ANKRD30BL: variants seen among roughly 807,000 people sequenced by gnomAD.
ANKRD30BL encodes the protein ankyrin repeat domain 30B like.
A neutral mutation model predicts 18.4 loss-of-function variants in ANKRD30BL; 20 were observed. The observed-to-expected ratio is 1.09, with a 90% CI of 0.77 to 1.58. ANKRD30BL has a LOEUF of 1.58. Among genes scored for constraint, ANKRD30BL ranks in the 40% most tolerant of loss-of-function variants. The pLI is 0.00. For missense variants in ANKRD30BL, 224 were observed against 268.6 expected, an observed-to-expected ratio of 0.83 and a Z score of 1.16; for synonymous variants, 72 against 100.9, an observed-to-expected ratio of 0.71 and a Z score of 1.72.
intron 1 of ANKRD30BL, among the ~76,000 whole-genome samples, chr2:132,218,049 C>T (rs1412504523): frequency 7.0e-6 from 1 of 142,604 alleles, no homozygotes; most frequent in Non-Finnish European, 1.5e-5. Context: ...GTTTAGAAAC[C>T]CTCTTTTTGT....
chr2:132,198,873 C>A (rs1364445377), intron 1 of ANKRD30BL, among the ~76,000 whole-genome samples: 8 of 152,170 alleles, frequency 5.3e-5, no homozygotes, highest in African/African-American at 1.9e-4. Context: ...CCAGCTAGGC[C>A]TCCCAAAGTA....
intron 1 of ANKRD30BL, among the ~76,000 whole-genome samples, chr2:132,171,080 C>T (rs12471332): frequency 0.21 from 31,353 of 149,488 alleles, 3,404 homozygotes; most frequent in Non-Finnish European, 0.25. Context: ...GGCGTGAACC[C>T]GGAGGCGGAG....
At chr2:132,190,821 T>C (rs1278706586) in intron 1 of ANKRD30BL, among the ~76,000 whole-genome samples, 1 of 152,188 alleles carries the variant, frequency 6.6e-6, no homozygotes, top group Non-Finnish European at 1.5e-5. Flanking sequence ...CCCTAAAAAC[T>C]ATCCTACATA....
At chr2:132,219,219 A>C (rs568410909) in intron 1 of ANKRD30BL, among the ~76,000 whole-genome samples, 1 of 151,950 alleles carries the variant, frequency 6.6e-6, no homozygotes, top group Non-Finnish European at 1.5e-5. Flanking sequence ...ATTTGGACAT[A>C]CTGTATCATA....
At chr2:132,252,912 C>A (rs923874572) in intron 1 of ANKRD30BL, among the ~76,000 whole-genome samples, 2 of 152,102 alleles carry the variant, frequency 1.3e-5, no homozygotes, top group African/African-American at 2.4e-5. Flanking sequence ...TTTCTATTTT[C>A]ATGGGTGGCG....
intron 1 of ANKRD30BL, among the ~76,000 whole-genome samples, chr2:132,159,351 T>A (rs190499247): frequency 6.6e-6 from 1 of 152,288 alleles, no homozygotes; most frequent in East Asian, 1.9e-4. Context: ...TGAAAAGTTA[T>A]CTGCAACTTA....
chr2:132,193,736 C>T (rs1267127755), intron 1 of ANKRD30BL, among the ~76,000 whole-genome samples: 2 of 151,842 alleles, frequency 1.3e-5, no homozygotes, highest in African/African-American at 2.4e-5. Flanking sequence ...AGTAGTTCTT[C>T]TTCCATAGGA....
At chr2:132,229,550 ACT>A (rs1454695279) in intron 1 of ANKRD30BL, among the ~76,000 whole-genome samples, 1 of 151,966 alleles carries the variant, frequency 6.6e-6, no homozygotes, top group Non-Finnish European at 1.5e-5. Context: ...CAATTTAGAA[ACT>A]CTCTTTTTGT....
chr2:132,222,053 G>A (rs1410314296), intron 1 of ANKRD30BL, among the ~76,000 whole-genome samples: 1 of 131,798 alleles, frequency 7.6e-6, no homozygotes, highest in African/African-American at 3.1e-5. Flanking sequence ...CGGGGGGGGG[G>A]GTCGGCCAGC....
At chr2:132,167,281 TTTTATTTTATTTTA>T (rs1688204701) in intron 1 of ANKRD30BL, among the ~76,000 whole-genome samples, 1 of 12,072 alleles carries the variant, frequency 8.3e-5, no homozygotes, top group African/African-American at 2.6e-4. Flanking sequence ...TTTATTTTTA[TTTTATTTTATTTTA>T]TTTTATTTTA....
At chr2:132,166,320 T>A, upstream of ANKRD30BL, among the ~76,000 whole-genome samples, 1 of 152,056 alleles carries the variant, frequency 6.6e-6, no homozygotes, top group East Asian at 1.9e-4. Context: ...TGAATTAGGA[T>A]GTGTTCTCTC....
At chr2:132,221,417 T>G (rs1477665427) in intron 1 of ANKRD30BL, among the ~76,000 whole-genome samples, 14 of 84,754 alleles carry the variant, frequency 1.7e-4, no homozygotes, top group South Asian at 3.8e-4. Flanking sequence ...GGGAGGGAGG[T>G]GGGGGGATCA....
chr2:132,160,442 T>A (rs1430996160), intron 1 of ANKRD30BL, among the ~76,000 whole-genome samples: 4 of 141,694 alleles, frequency 2.8e-5, no homozygotes, highest in African/African-American at 1.1e-4. Flanking sequence ...TTTATTTATT[T>A]ATTATTATTA....
chr2:132,257,882 A>G (rs1680916213), exon 1 of ANKRD30BL: 1 of 154,062 alleles, frequency 6.5e-6, no homozygotes, highest in Non-Finnish European at 1.5e-5. Context: ...CCTTTCTCCC[A>G]GGCAAAGCAC....
chr2:132,186,773 T>C (rs1688567403), intron 1 of ANKRD30BL, among the ~76,000 whole-genome samples: 2 of 152,190 alleles, frequency 1.3e-5, no homozygotes, highest in Non-Finnish European at 2.9e-5. Flanking sequence ...CTTGATAATA[T>C]AGTCACTGAC....
At chr2:132,187,198 T>TTTTTTTTTG (rs1688580594) in intron 1 of ANKRD30BL, among the ~76,000 whole-genome samples, 2 of 144,578 alleles carry the variant, frequency 1.4e-5, no homozygotes, top group African/African-American at 5.1e-5. Flanking sequence ...GTTTTTTTTT[T>TTTTTTTTTG]TTTTTTTTTT....
intron 1 of ANKRD30BL, among the ~76,000 whole-genome samples, chr2:132,177,577 T>C (rs1409756191): frequency 6.6e-6 from 1 of 152,212 alleles, no homozygotes; most frequent in African/African-American, 2.4e-5. Context: ...CTTATCAATG[T>C]TTATATCAGC....
intron 1 of ANKRD30BL, among the ~76,000 whole-genome samples, chr2:132,218,356 G>A (rs1297530180): frequency 1.3e-5 from 2 of 152,212 alleles, no homozygotes; most frequent in Non-Finnish European, 2.9e-5. Context: ...AACTCACAGA[G>A]TTGAACATAC....
At chr2:132,156,401 T>G (rs1687906097) in intron 3 of ANKRD30BL, 1 of 152,144 alleles carries the variant, frequency 6.6e-6, no homozygotes, top group Admixed American at 6.5e-5. Flanking sequence ...TTCAATAACT[T>G]GAAATCTTTA....
Sources: gnomAD v4.1 joint callset for allele counts (sites outside exome capture counted in the v4.1 genomes callset) on GRCh38, gnomAD v4.1.1 for gene constraint, MANE v1.5 for transcripts, NCBI Gene and HGNC (gene_info 2026-07-23, HGNC 2026-07-21) for gene names.